CCDC148: variants seen among roughly 807,000 people sequenced by gnomAD.
CCDC148 encodes coiled-coil domain-containing protein 148.
In CCDC148, 89 loss-of-function variants were observed where a neutral mutation model predicts 85.7. The observed-to-expected ratio is 1.04, with a 90% CI of 0.87 to 1.24. The LOEUF (loss-of-function observed/expected upper bound fraction) is 1.24, where lower values mean the gene tolerates loss of function less well. Ranked by LOEUF, CCDC148 falls within the 50% of genes most tolerant of loss-of-function variation. The pLI is 0.00. For missense variants in CCDC148, 692 were observed against 671.7 expected (o/e 1.03, Z -0.33); for synonymous variants, 230 against 213.9 (o/e 1.08, Z -0.66).
At chr2:158,339,805 G>A (rs1456361318) in intron 5 of CCDC148, among the ~76,000 whole-genome samples, 3 of 152,212 alleles carry the variant, frequency 2.0e-5, no homozygotes, top group South Asian at 2.1e-4. Flanking sequence ...CAGCCTGGGT[G>A]TGACTGAGCT....
rs1210300873 is a variant in CCDC148 at position 158,291,184 on chromosome 2, C to A, written c.1110+18249G>T. Among the ~76,000 whole-genome samples the A allele has an allele frequency of 2.6e-5, 4 of 152,098 alleles. No homozygotes were observed. The South Asian group carries it at 8.3e-4, about 32-fold the overall frequency. ...CCCAGGCTTGACTGGAACTTCTGGG[C>A]TCAAGTGATCCTCCTGCCTCAGCCT... On this transcript the variant is annotated intron_variant, in intron 9 of 13. Transcript: ENST00000283233.
chr2:158,287,912 A>G (rs1690705239), intron 9 of CCDC148, among the ~76,000 whole-genome samples: 1 of 152,300 alleles, frequency 6.6e-6, no homozygotes, highest in Non-Finnish European at 1.5e-5. Context: ...CCACCCCTGT[A>G]GCAAACTTTT....
chr2:158,377,442 T>A (rs186389845), intron 1 of CCDC148, among the ~76,000 whole-genome samples: 1 of 152,090 alleles, frequency 6.6e-6, no homozygotes, highest in South Asian at 2.1e-4. Flanking sequence ...CACTTGTTAC[T>A]GGCAGTCAAA....
At chr2:158,410,138 T>G (rs1686197236) in intron 1 of CCDC148, among the ~76,000 whole-genome samples, 1 of 152,206 alleles carries the variant, frequency 6.6e-6, no homozygotes, top group East Asian at 1.9e-4. Context: ...AGTTTTTGAT[T>G]TAAAGTCTAT....
At chr2:158,223,544 C>A (rs566010082) in intron 10 of CCDC148, among the ~76,000 whole-genome samples, 3 of 152,138 alleles carry the variant, frequency 2.0e-5, no homozygotes, top group Non-Finnish European at 4.4e-5. Context: ...CCTGACCCCC[C>A]TGTAGCCTAA....
intron 9 of CCDC148, among the ~76,000 whole-genome samples, chr2:158,284,301 T>C (rs958674366): frequency 2.0e-5 from 3 of 148,524 alleles, no homozygotes; most frequent in African/African-American, 2.5e-5. Flanking sequence ...AAACCAATAA[T>C]GACAGATTAG....
chr2:158,230,443 T>C (rs1687800168), intron 10 of CCDC148, among the ~76,000 whole-genome samples: 1 of 152,046 alleles, frequency 6.6e-6, no homozygotes, highest in South Asian at 2.1e-4. Flanking sequence ...GGGGAGTACA[T>C]TGGGAAGAGG....
intron 1 of CCDC148, among the ~76,000 whole-genome samples, chr2:158,434,668 C>G (rs1413450333): frequency 2.0e-5 from 3 of 152,136 alleles, no homozygotes; most frequent in African/African-American, 7.2e-5. Flanking sequence ...TCGGTAATAA[C>G]AAACTTCTCT....
chr2:158,433,278 A>AT (rs1193160417), intron 1 of CCDC148, among the ~76,000 whole-genome samples: 23 of 127,702 alleles, frequency 1.8e-4, no homozygotes, highest in Non-Finnish European at 2.6e-4. Context: ...ATATATATAT[A>AT]AAACAAAAGC....
intron 9 of CCDC148, among the ~76,000 whole-genome samples, chr2:158,256,514 C>A (rs1045274722): frequency 2.6e-5 from 4 of 151,690 alleles, no homozygotes; most frequent in Non-Finnish European, 4.4e-5. Context: ...ATATTATATT[C>A]TATTGGCCAT....
chr2:158,433,238 C>T (rs1476747753), intron 1 of CCDC148, among the ~76,000 whole-genome samples: 1 of 126,772 alleles, frequency 7.9e-6, no homozygotes, highest in African/African-American at 2.9e-5. Flanking sequence ...ATAGCCGGGG[C>T]AACAGAGTAA....
intron 7 of CCDC148, among the ~76,000 whole-genome samples, chr2:158,336,883 T>C (rs189967509): frequency 6.6e-6 from 1 of 152,288 alleles, no homozygotes; most frequent in East Asian, 1.9e-4. Flanking sequence ...CTTCTGCCTA[T>C]GCTAAGCATA....
At chr2:158,404,630 A>G (rs1250755744) in intron 1 of CCDC148, among the ~76,000 whole-genome samples, 2 of 152,192 alleles carry the variant, frequency 1.3e-5, no homozygotes, top group Non-Finnish European at 2.9e-5. Context: ...TGAGATCTGT[A>G]TATACTTTCC....
chr2:158,186,155 T>A (rs1685145485), intron 11 of CCDC148, among the ~76,000 whole-genome samples: 2 of 152,082 alleles, frequency 1.3e-5, no homozygotes, highest in South Asian at 4.1e-4. Flanking sequence ...GATGATACCA[T>A]CCTGTCTGTT....
At position 158,184,079 on chromosome 2, in the gene CCDC148, G is replaced by A. The variant is rs78488677; in HGVS notation, c.1371-5083C>T. ...AAAGGCATCACTCCTCTAACCACACGGGCTGGGAGTCTCCACTCAGTGGGG... is the reference window on the plus strand; with the variant it reads ...AAAGGCATCACTCCTCTAACCACACAGGCTGGGAGTCTCCACTCAGTGGGG... On this transcript the variant is annotated intron_variant, in intron 11 of 13. Coordinates refer to ENST00000283233, the MANE Select transcript of CCDC148 (RefSeq NM_138803.4). Among the ~76,000 whole-genome samples the A allele has an allele frequency of 2.5e-3, 381 of 152,220 alleles. 4 individuals carry two copies. The highest frequency in any genetic ancestry group is 4.7e-3 in the Non-Finnish European group (318 of 68,010).
At chr2:158,186,429 G>A (rs759307106) in intron 11 of CCDC148, among the ~76,000 whole-genome samples, 1 of 152,016 alleles carries the variant, frequency 6.6e-6, no homozygotes, top group Non-Finnish European at 1.5e-5. Context: ...TCTAGGAAGC[G>A]TCATTCACAT....
chr2:158,224,581 G>T (rs550540731), intron 10 of CCDC148, among the ~76,000 whole-genome samples: 4 of 152,336 alleles, frequency 2.6e-5, no homozygotes, highest in Non-Finnish European at 5.9e-5. Flanking sequence ...ACAAAGGGAA[G>T]CCCATAAGAC....
intron 1 of CCDC148, among the ~76,000 whole-genome samples, chr2:158,412,897 A>C (rs962012301): frequency 1.3e-5 from 2 of 149,724 alleles, no homozygotes; most frequent in African/African-American, 4.9e-5. Flanking sequence ...ACATGTGCAC[A>C]ATGTGCAGGT....
At chr2:158,358,202 A>G (rs1194747118) in intron 2 of CCDC148, among the ~76,000 whole-genome samples, 1 of 152,200 alleles carries the variant, frequency 6.6e-6, no homozygotes, top group African/African-American at 2.4e-5. Flanking sequence ...CTTTAAAAAA[A>G]TAAAGTTGAA....
Sources: gnomAD v4.1 joint callset for allele counts (sites outside exome capture counted in the v4.1 genomes callset) on GRCh38, gnomAD v4.1.1 for gene constraint, MANE v1.5 for transcripts, NCBI Gene and HGNC (gene_info 2026-07-23, HGNC 2026-07-21) for gene names.